UTP18: variants seen among roughly 807,000 people sequenced by gnomAD.
UTP18 encodes the protein UTP18 small subunit processome component, also known as U3 small nucleolar RNA-associated protein 18 homolog.
UTP18 carries 36 observed loss-of-function variants against 61.1 expected under a neutral mutation model. That is an observed-to-expected ratio of 0.59 (90% confidence interval 0.45 to 0.78). The LOEUF (loss-of-function observed/expected upper bound fraction) is 0.78, where lower values mean the gene tolerates loss of function less well. UTP18 is among the 30% of genes least tolerant of loss of function. The pLI is 0.00. For synonymous variants in UTP18, 282 were observed against 251.1 expected (o/e 1.12, Z -1.16); for missense variants, 753 against 693.9 (o/e 1.09, Z -0.96).
At chr17:51,263,174 T>C in intron 1 of UTP18, 100 bp from the exon 2 acceptor site, 1 of 900,954 alleles carries the variant, frequency 1.1e-6, no homozygotes, top group Non-Finnish European at 1.8e-6. Context: ...CAGAGAGTGG[T>C]AGAAAAAACA....
chr17:51,277,184 A>G lies in UTP18; in HGVS notation c.892A>G (p.Ile298Val), dbSNP rs1339073296. ...GAGCATCTATTTGGAAAGGTTTCCAATCTTTAAGGCTTGTTTTAGTGCTAA... is the reference window on the plus strand; with the variant it reads ...GAGCATCTATTTGGAAAGGTTTCCAGTCTTTAAGGCTTGTTTTAGTGCTAA... Reference protein sequence around the residue: ...IQSIYLERFPIFKACFSANGE... With the variant: ...IQSIYLERFPVFKACFSANGE... Residue 298 changes from isoleucine to valine, a missense_variant, in exon 7 of 14, where the codon ATC becomes GTC. Physicochemically the swap from Ile to Val is conservative, Grantham distance 29 (BLOSUM62 3). Coordinates refer to ENST00000225298, the MANE Select transcript of UTP18 (RefSeq NM_016001.3). 4 of 1,614,048 alleles carry G rather than the reference A, an allele frequency of 2.5e-6. No homozygotes were observed. The highest frequency in any genetic ancestry group is 3.4e-6 in the Non-Finnish European group (4 of 1,180,038).
Position 51,285,340 on chromosome 17 carries a change from T to C in UTP18, c.1300T>C (p.Ser434Pro). 6.2e-7 allele frequency: 1 copy of C among 1,612,952 alleles called. No homozygotes were observed. The highest frequency in any genetic ancestry group is 8.5e-7 in the Non-Finnish European group (1 of 1,179,412). ...GSLYGLSIAT[S>P]RNGQYVACGS... ...TTTATATGGATTAAGCATTGCCACA[T>C]CTAGGAATGGACAGTATGTTGCTTG... is the stretch of plus-strand genomic sequence containing the variant. Residue 434 changes from serine to proline, a missense_variant, in exon 10 of 14, where the codon TCT (serine) becomes CCT (proline). By Grantham distance (74) the Ser-to-Pro change is moderately conservative (BLOSUM62 -1). Transcript: ENST00000225298.
chr17:51,290,243 C>T (rs897020151), intron 11 of UTP18, among the ~76,000 whole-genome samples: 2 of 152,008 alleles, frequency 1.3e-5, no homozygotes, highest in African/African-American at 4.8e-5. Flanking sequence ...TGGTGAAACC[C>T]CATCTCTACT....
At chr17:51,280,327 T>A in intron 8 of UTP18, 62 bp from the exon 9 acceptor site, 4 of 1,562,822 alleles carry the variant, frequency 2.6e-6, no homozygotes, top group Non-Finnish European at 3.5e-6. Flanking sequence ...GTTTTTACTC[T>A]ACATTGTGTG....
At position 51,260,599 on chromosome 17, in the gene UTP18, G is replaced by A. The variant is rs199741654; in HGVS notation, c.15G>A (p.Arg5=). The A allele has an allele frequency of 7.4e-5, 120 of 1,612,524 alleles. 1 individual carries two copies. The Admixed American group carries it at 1.8e-3, about 24-fold the overall frequency. MPPE[R]RRRMKLDRRT... ...CAAACCTAACGATGCCGCCGGAGCG[G>A]AGGAGACGAATGAAACTGGACCGGA... Residue 5 remains arginine, a synonymous_variant, in exon 1 of 14, where the codon CGG becomes CGA. Coordinates refer to ENST00000225298, the MANE Select transcript of UTP18 (RefSeq NM_016001.3).
At chr17:51,284,607 A>G (rs1036605352) in intron 9 of UTP18, among the ~76,000 whole-genome samples, 2 of 152,160 alleles carry the variant, frequency 1.3e-5, no homozygotes, top group African/African-American at 4.8e-5. Flanking sequence ...GTTTTGCTTC[A>G]GATTTTTGCT....
chr17:51,268,103 G>A (rs942591024), intron 3 of UTP18, among the ~76,000 whole-genome samples: 2 of 146,414 alleles, frequency 1.4e-5, no homozygotes, highest in Admixed American at 7.0e-5. Flanking sequence ...TCTGCCTCCC[G>A]GGTTCACACC....
At chr17:51,272,079 A>C (rs1015067776) in intron 4 of UTP18, among the ~76,000 whole-genome samples, 2 of 151,654 alleles carry the variant, frequency 1.3e-5, no homozygotes, top group African/African-American at 2.4e-5. Context: ...AAATATATTA[A>C]ACATAGTTTT....
chr17:51,296,026 A>G (rs540545291), intron 12 of UTP18, among the ~76,000 whole-genome samples: 85 of 152,342 alleles, frequency 5.6e-4, no homozygotes, highest in African/African-American at 2.0e-3. Flanking sequence ...CTTTCCCTGT[A>G]GCTGTAAGCT....
rs765933828 is a variant in UTP18, at chr17:51,296,979, C to T, written c.1661C>T (p.Ser554Leu). 2 of 1,606,752 alleles carry T rather than the reference C, an allele frequency of 1.2e-6. No homozygotes were observed. The highest frequency in any genetic ancestry group is 1.3e-5 in the African/African-American group (1 of 74,512). ...TACTTTTCCAGGTTGCACCATTACT[C>T]AGACTTCTAAAGAGACTATTTGAAG... ...KALMYRLHHY[S>L]DF Residue 554 changes from serine (S) to leucine (L), a missense_variant, in exon 13 of 14, where the codon TCA becomes TTA. By Grantham distance (145) the Ser-to-Leu change is moderately radical. Transcript: ENST00000225298.
intron 2 of UTP18, 134 bp downstream of exon 2, chr17:51,263,520 C>T (rs75554771): frequency 0.026 from 18,438 of 716,534 alleles, 309 homozygotes; most frequent in Admixed American, 0.035. Context: ...TAGAAAAGAT[C>T]TTTCATGGTT....
intron 10 of UTP18, 120 bp from the exon 11 acceptor site, chr17:51,287,909 G>T: frequency 1.4e-6 from 1 of 703,646 alleles, no homozygotes; most frequent in Non-Finnish European, 2.1e-6. Flanking sequence ...GGTGATAGCT[G>T]GTCTCTTTGT....
In UTP18 at chr17:51,267,250, A is replaced by G. The variant is rs533047232; in HGVS notation, c.554+970A>G. Among the ~76,000 whole-genome samples the G allele has an allele frequency of 2.0e-5, 3 of 152,324 alleles. 1 individual carries two copies. The South Asian group carries it at 6.2e-4, about 32-fold the overall frequency. On this transcript the variant is annotated intron_variant, in intron 3 of 13. Coordinates refer to ENST00000225298, the MANE Select transcript of UTP18 (RefSeq NM_016001.3). Reference sequence around the variant, plus strand: ...AGTGCTGGGAATACAGAGGTGAGCCACTGTGCTCAGCCATTACCTATCTTT... The same window carrying G: ...AGTGCTGGGAATACAGAGGTGAGCCGCTGTGCTCAGCCATTACCTATCTTT...
intron 10 of UTP18, among the ~76,000 whole-genome samples, 193 bp from the exon 11 acceptor site, chr17:51,287,836 G>A (rs1187312859): frequency 6.6e-6 from 1 of 152,196 alleles, no homozygotes; most frequent in East Asian, 1.9e-4. Context: ...AGAAGGGGGA[G>A]AATTTGAATT....
chr17:51,287,313 C>G (rs937597822), intron 10 of UTP18, among the ~76,000 whole-genome samples: 3 of 152,090 alleles, frequency 2.0e-5, no homozygotes, highest in African/African-American at 7.2e-5. Context: ...GAATCTTAAG[C>G]AAATCTTTAA....
intron 9 of UTP18, among the ~76,000 whole-genome samples, chr17:51,282,730 A>T (rs1452640613): frequency 6.6e-6 from 1 of 151,982 alleles, no homozygotes; most frequent in African/African-American, 2.4e-5. Context: ...GTGGAGATCT[A>T]ATTTATCATA....
chr17:51,277,445 G>A, intron 7 of UTP18, 141 bp downstream of exon 7: 3 of 953,070 alleles, frequency 3.1e-6, no homozygotes, highest in Non-Finnish European at 4.5e-6. Context: ...AAATGTCTTT[G>A]TGCTTTTGAG....
chr17:51,270,255 C>G (rs1259224923), intron 4 of UTP18, among the ~76,000 whole-genome samples: 1 of 152,170 alleles, frequency 6.6e-6, no homozygotes, highest in Non-Finnish European at 1.5e-5. Flanking sequence ...CGGTTTGAAA[C>G]ATATAGATTA....
chr17:51,286,575 G>A (rs1212324557), intron 10 of UTP18: 1 of 456,168 alleles, frequency 2.2e-6, no homozygotes, highest in Non-Finnish European at 4.4e-6. Flanking sequence ...AGGCTGTGGA[G>A]CTTGGAGACC....
Sources: allele counts gnomAD v4.1 joint callset (sites outside exome capture counted in the v4.1 genomes callset), GRCh38; gene constraint gnomAD v4.1.1; transcripts MANE v1.5; gene names NCBI Gene and HGNC (gene_info 2026-07-23, HGNC 2026-07-21).